CAPN8: variants seen among roughly 807,000 people sequenced by gnomAD.
CAPN8 encodes the protein calpain 8.
A neutral mutation model predicts 80.9 loss-of-function variants in CAPN8; 87 were observed. The observed-to-expected ratio is 1.07, with a 90% CI of 0.90 to 1.28. The LOEUF (loss-of-function observed/expected upper bound fraction) is 1.28. Ranked by LOEUF, CAPN8 falls within the 50% of genes most tolerant of loss-of-function variation. The probability of loss-of-function intolerance (pLI) is 0.00; values close to 1 mark genes in which losing one functional copy is unlikely to be tolerated. For synonymous variants in CAPN8, 299 were observed against 273.8 expected (o/e 1.09, Z -0.91); for missense variants, 757 against 702.0 (o/e 1.08, Z -0.89).
At chr1:223,622,731 A>T (rs768856420) in intron 7 of CAPN8, 84 bp downstream of exon 7, 1 of 1,027,672 alleles carries the variant, frequency 9.7e-7, no homozygotes, top group South Asian at 1.4e-5. Flanking sequence ...ACTCACTGTG[A>T]CATCGATCTC....
chr1:223,640,558 A>G (rs1658017031), intron 2 of CAPN8, among the ~76,000 whole-genome samples: 1 of 152,184 alleles, frequency 6.6e-6, no homozygotes, highest in South Asian at 2.1e-4. Flanking sequence ...GCTGAAGCCC[A>G]GAAGCCATTC....
At chr1:223,650,614 G>A (rs1658321057) in intron 2 of CAPN8, among the ~76,000 whole-genome samples, 1 of 152,204 alleles carries the variant, frequency 6.6e-6, no homozygotes, top group Non-Finnish European at 1.5e-5. Flanking sequence ...TACCAACAGA[G>A]AAGAGAGATG....
chr1:223,627,496 CT>C (rs1249334841), intron 4 of CAPN8, among the ~76,000 whole-genome samples: 8 of 152,204 alleles, frequency 5.3e-5, no homozygotes, highest in Non-Finnish European at 1.0e-4. Context: ...TGAGAGGCAT[CT>C]GCTGAGGCTT....
chr1:223,643,957 T>A (rs971495342), intron 2 of CAPN8, among the ~76,000 whole-genome samples: 7 of 151,614 alleles, frequency 4.6e-5, no homozygotes, highest in South Asian at 2.2e-4. Context: ...TAAAAAAAAT[T>A]TTTTTAATAC....
intron 17 of CAPN8, 54 bp from the exon 18 acceptor site, chr1:223,544,904 G>C: frequency 6.5e-7 from 1 of 1,550,132 alleles, no homozygotes; most frequent in East Asian, 2.4e-5. Context: ...GCCCCTGCCA[G>C]AACCATCTCC....
At chr1:223,611,258 G>A (rs1226253751) in intron 11 of CAPN8, among the ~76,000 whole-genome samples, 3 of 152,200 alleles carry the variant, frequency 2.0e-5, no homozygotes, top group Non-Finnish European at 4.4e-5. Flanking sequence ...ACCAAATGGA[G>A]CACTAGCTGA....
At chr1:223,652,654 T>C (rs1658372950) in intron 2 of CAPN8, among the ~76,000 whole-genome samples, 1 of 152,142 alleles carries the variant, frequency 6.6e-6, no homozygotes, top group Non-Finnish European at 1.5e-5. Context: ...CTCTGGGTTA[T>C]AGCCTTGGCG....
At chr1:223,640,687 C>A (rs1658020578) in intron 2 of CAPN8, among the ~76,000 whole-genome samples, 1 of 152,116 alleles carries the variant, frequency 6.6e-6, no homozygotes, top group African/African-American at 2.4e-5. Context: ...GCCTCCACTC[C>A]CAGTAAGACT....
intron 13 of CAPN8, among the ~76,000 whole-genome samples, chr1:223,554,904 A>T (rs1352037049): frequency 1.3e-5 from 2 of 152,246 alleles, no homozygotes; most frequent in African/African-American, 4.8e-5. Context: ...TGATGTGACA[A>T]TGGGCTCTGC....
chr1:223,661,899 C>T (rs1658654576), intron 1 of CAPN8, among the ~76,000 whole-genome samples: 1 of 152,070 alleles, frequency 6.6e-6, no homozygotes, highest in African/African-American at 2.4e-5. Flanking sequence ...TCACAATAAC[C>T]AAAAGTGGAA....
chr1:223,619,315 A>G lies in CAPN8; in HGVS notation c.1113T>C (p.Ala371=). 4 of 1,551,714 alleles carry G rather than the reference A, an allele frequency of 2.6e-6. No homozygotes were observed. Among genetic ancestry groups the G allele is most frequent in the Non-Finnish European group, 3.5e-6 (4 of 1,147,004 alleles). ...FNGHWTRGST[A]GGCQNYPATY... is the part of the protein sequence containing the mutation. ...TACCTGGGTAGTTCTGGCAGCCCCC[A>G]GCTGTGGAGCCCCGGGTCCAGTGGC... is the stretch of plus-strand genomic sequence containing the variant. Residue 371 remains alanine (A), a synonymous_variant, in exon 9 of 21, where the codon GCT becomes GCC. Coordinates refer to ENST00000366872, the MANE Select transcript of CAPN8 (RefSeq NM_001143962.2).
intron 20 of CAPN8, among the ~76,000 whole-genome samples, chr1:223,542,337 AC>A (rs1449491786): frequency 6.6e-6 from 1 of 152,106 alleles, no homozygotes; most frequent in Non-Finnish European, 1.5e-5. Context: ...CACCCACACA[AC>A]CACACTCCAT....
chr1:223,650,139 T>C (rs1337105172), intron 2 of CAPN8, among the ~76,000 whole-genome samples: 1 of 152,036 alleles, frequency 6.6e-6, no homozygotes, highest in Admixed American at 6.6e-5. Flanking sequence ...TCCAGGAGCA[T>C]TGCAGAGTGA....
intron 14 of CAPN8, among the ~76,000 whole-genome samples, chr1:223,552,716 G>C (rs1021627399): frequency 2.0e-5 from 3 of 152,152 alleles, no homozygotes; most frequent in Admixed American, 2.0e-4. Context: ...CCCTCAGCCA[G>C]CTCCTTAACC....
chr1:223,615,835 G>T, intron 10 of CAPN8, 135 bp downstream of exon 10: 1 of 1,041,312 alleles, frequency 9.6e-7, no homozygotes, highest in Non-Finnish European at 1.4e-6. Context: ...ACTGGGAGAG[G>T]TATATAGAGG....
intron 10 of CAPN8, 49 bp downstream of exon 10, chr1:223,615,920 GC>G: frequency 6.5e-7 from 1 of 1,544,922 alleles, no homozygotes; most frequent in South Asian, 1.2e-5. Context: ...AAGATATTCA[GC>G]CCCAAAACAT....
At chr1:223,651,396 A>G (rs958420119) in intron 2 of CAPN8, among the ~76,000 whole-genome samples, 1 of 152,216 alleles carries the variant, frequency 6.6e-6, no homozygotes, top group African/African-American at 2.4e-5. Context: ...ACTTGAAACA[A>G]TTGGATCCTT....
intron 2 of CAPN8, among the ~76,000 whole-genome samples, chr1:223,646,133 T>G (rs12094613): frequency 0.78 from 118,476 of 152,172 alleles, 48,344 homozygotes; most frequent in Non-Finnish European, 0.91. Flanking sequence ...AAGAGGGCGG[T>G]GACACAGCAA....
At chr1:223,642,572 C>A (rs766192289) in intron 2 of CAPN8, 4 of 325,878 alleles carry the variant, frequency 1.2e-5, no homozygotes, top group Admixed American at 8.4e-5. Context: ...GGGGGGTCTT[C>A]GGCTTCCAGG....
Sources: gnomAD v4.1 joint callset for allele counts (sites outside exome capture counted in the v4.1 genomes callset) on GRCh38, gnomAD v4.1.1 for gene constraint, MANE v1.5 for transcripts, NCBI Gene and HGNC (gene_info 2026-07-23, HGNC 2026-07-21) for gene names.